XYLT1: variants seen among roughly 807,000 people sequenced by gnomAD.
The protein encoded by XYLT1 is beta-D-xylosyltransferase 1.
Under a neutral mutation model 91.3 loss-of-function variants are expected in XYLT1, and 36 were observed. The observed-to-expected ratio is 0.39, with a 90% confidence interval of 0.30 to 0.52. XYLT1 has a LOEUF of 0.52. Among genes scored for constraint, XYLT1 ranks in the 20% least tolerant of loss-of-function variants. The pLI, the probability that XYLT1 is intolerant of heterozygous loss-of-function variation, is 0.68. For synonymous variants in XYLT1, 588 were observed against 532.0 expected, an observed-to-expected ratio of 1.11 and a Z score of -1.45; for missense variants, 1,242 against 1,284.5, an observed-to-expected ratio of 0.97 and a Z score of 0.51.
chr16:17,316,067 GCCACACT>G (rs1292431897), intron 2 of XYLT1, among the ~76,000 whole-genome samples: 1 of 152,158 alleles, frequency 6.6e-6, no homozygotes, highest in African/African-American at 2.4e-5. Flanking sequence ...CACCTGGTTG[GCCACACT>G]GCCTCCACCT....
intron 4 of XYLT1, among the ~76,000 whole-genome samples, chr16:17,198,848 A>G (rs1423534031): frequency 6.6e-6 from 1 of 152,136 alleles, no homozygotes; most frequent in East Asian, 1.9e-4. Flanking sequence ...AAGTTCAAGC[A>G]ATTCTCCTGC....
chr16:17,297,744 G>A (rs975277813), intron 2 of XYLT1, among the ~76,000 whole-genome samples: 12 of 152,062 alleles, frequency 7.9e-5, no homozygotes, highest in African/African-American at 2.4e-5. Flanking sequence ...ACAAAAGGCC[G>A]GGCGCGGTGG....
At chr16:17,239,439 T>C (rs1334609553) in intron 3 of XYLT1, among the ~76,000 whole-genome samples, 1 of 140,134 alleles carries the variant, frequency 7.1e-6, no homozygotes, top group Non-Finnish European at 1.5e-5. Flanking sequence ...ATCCATCTAC[T>C]CATCCAGTCC....
Position 17,134,745 on chromosome 16 carries a change from T to A in XYLT1, c.1765-10A>T. On this transcript the variant is annotated splice_polypyrimidine_tract_variant and intron_variant, in intron 8 of 11. Coordinates refer to ENST00000261381, the MANE Select transcript of XYLT1 (RefSeq NM_022166.4). ...TAGGCCGGGCTGTCTGCTGTACTCA[T>A]GGGATTAAAAATAGAAAAGCCACAT... 1 of 1,612,498 alleles carries A rather than the reference T, an allele frequency of 6.2e-7. No individual in the cohort carries two copies. Among genetic ancestry groups the A allele is most frequent in the Non-Finnish European group, 8.5e-7 (1 of 1,178,748 alleles).
chr16:17,461,255 C>T (rs2036817627), intron 1 of XYLT1, among the ~76,000 whole-genome samples: 1 of 152,226 alleles, frequency 6.6e-6, no homozygotes, highest in South Asian at 2.1e-4. Context: ...CTGAATCATA[C>T]TACTTACTCC....
intron 3 of XYLT1, chr16:17,228,110 CT>C (rs2033099072): frequency 6.6e-6 from 1 of 152,180 alleles, no homozygotes; most frequent in Non-Finnish European, 1.5e-5. Context: ...AGAGTCATTG[CT>C]TAGATATGGC....
At chr16:17,428,964 T>C (rs749405537) in intron 1 of XYLT1, among the ~76,000 whole-genome samples, 17 of 152,116 alleles carry the variant, frequency 1.1e-4, no homozygotes, top group Admixed American at 3.9e-4. Context: ...TGCAGGGCCA[T>C]TGGGAAGCTT....
intron 1 of XYLT1, among the ~76,000 whole-genome samples, chr16:17,440,180 G>T (rs1432045584): frequency 6.6e-6 from 1 of 152,208 alleles, no homozygotes; most frequent in Admixed American, 6.5e-5. Flanking sequence ...TAACAACTAC[G>T]TAAGTGAATT....
At position 17,238,379 on chromosome 16, in the gene XYLT1, GCAA is replaced by G. The variant is rs59933572; in HGVS notation, c.913+20606_913+20608del. Among the ~76,000 whole-genome samples the G allele has an allele frequency of 6.3e-3, 962 of 152,300 alleles. 7 individuals are homozygous for G. Among genetic ancestry groups the G allele is most frequent in the African/African-American group, 0.022 (911 of 41,548 alleles). On this transcript the variant is annotated intron_variant, in intron 3 of 11. Coordinates refer to ENST00000261381, the MANE Select transcript of XYLT1 (RefSeq NM_022166.4). ...GCTATTGAAAGTGATGGCCAAAAGT[GCAA>G]CTACTTTTGCACCAACCTAATAGTT... is the stretch of plus-strand genomic sequence containing the variant.
intron 2 of XYLT1, among the ~76,000 whole-genome samples, chr16:17,298,540 GTC>G (rs2034348780): frequency 6.6e-6 from 1 of 152,158 alleles, no homozygotes; most frequent in Admixed American, 6.5e-5. Flanking sequence ...GTCCCTTAAA[GTC>G]TCTGTGAAGC....
chr16:17,358,006 A>G lies in XYLT1; in HGVS notation c.402+6T>C, dbSNP rs184623992. The stretch of plus-strand genomic sequence containing the variant: ...GATAAGTGGCCAAGACAGGAAAGAT[A>G]CTTACCTGAGTCTCCAGGGTGATGA... On this transcript the variant is annotated splice_donor_region_variant and intron_variant, in intron 2 of 11. Coordinates refer to ENST00000261381, the MANE Select transcript of XYLT1 (RefSeq NM_022166.4). 237 of 1,613,656 alleles carry G rather than the reference A, an allele frequency of 1.5e-4. No homozygotes were observed. The African/African-American group carries it at 2.8e-3, about 19-fold the overall frequency.
intron 3 of XYLT1, among the ~76,000 whole-genome samples, chr16:17,223,415 T>C (rs987799565): frequency 1.3e-5 from 2 of 152,264 alleles, no homozygotes; most frequent in African/African-American, 4.8e-5. Flanking sequence ...GCTTTATTCA[T>C]GGCACTCACT....
chr16:17,217,591 C>G (rs1379062957), intron 3 of XYLT1, among the ~76,000 whole-genome samples: 2 of 152,234 alleles, frequency 1.3e-5, no homozygotes, highest in African/African-American at 4.8e-5. Flanking sequence ...CTTCCCTTCT[C>G]AAATGTTCAC....
chr16:17,116,728 T>C (rs1966853055), intron 11 of XYLT1, among the ~76,000 whole-genome samples: 1 of 152,208 alleles, frequency 6.6e-6, no homozygotes, highest in South Asian at 2.1e-4. Flanking sequence ...ACTAAAACAT[T>C]TTCTAAACTC....
Position 17,118,091 on chromosome 16 carries a change from G to C in XYLT1, c.2224-112C>G, listed in dbSNP as rs1364292438. Reference sequence around the variant, plus strand: ...TTCATATACCCATTTTACAGATGAAGAAACTGAGGCTCCAACTAAGTCACC... The same window carrying C: ...TTCATATACCCATTTTACAGATGAACAAACTGAGGCTCCAACTAAGTCACC... On this transcript the variant is annotated intron_variant, in intron 10 of 11. Transcript: ENST00000261381. 6.1e-6 allele frequency: 7 copies of C among 1,139,212 alleles called. No individual in the cohort carries two copies. In the Admixed American group the frequency reaches 2.0e-4, roughly 32 times the overall value. The allele number at this position is 1,139,212 out of a possible 1,614,324, so 70.6% of individuals were successfully genotyped here.
chr16:17,443,655 G>A (rs2141943675), intron 1 of XYLT1, among the ~76,000 whole-genome samples: 1 of 152,278 alleles, frequency 6.6e-6, no homozygotes, highest in East Asian at 1.9e-4. Context: ...GACTAATACA[G>A]CATATATTAA....
intron 2 of XYLT1, among the ~76,000 whole-genome samples, chr16:17,267,470 C>T (rs2033823558): frequency 6.6e-6 from 1 of 152,330 alleles, no homozygotes; most frequent in East Asian, 1.9e-4. Flanking sequence ...TGCAGTGGTG[C>T]GATCACGCTC....
chr16:17,287,827 G>T (rs998591339), intron 2 of XYLT1, among the ~76,000 whole-genome samples: 4 of 152,148 alleles, frequency 2.6e-5, no homozygotes, highest in Non-Finnish European at 4.4e-5. Flanking sequence ...GTTCCAACTG[G>T]CAGCAGAAAT....
At chr16:17,305,796 G>T (rs561959945) in intron 2 of XYLT1, among the ~76,000 whole-genome samples, 1 of 152,274 alleles carries the variant, frequency 6.6e-6, no homozygotes, top group Admixed American at 6.5e-5. Flanking sequence ...GACTTCCGGA[G>T]AACTTTATTT....
Sources: allele counts gnomAD v4.1 joint callset (sites outside exome capture counted in the v4.1 genomes callset), GRCh38; gene constraint gnomAD v4.1.1; transcripts MANE v1.5; gene names NCBI Gene and HGNC (gene_info 2026-07-23, HGNC 2026-07-21).